Variants in SGCZ observed in about 807,000 individuals in gnomAD.
The protein encoded by SGCZ is sarcoglycan zeta, also known as zeta-sarcoglycan.
SGCZ carries 40 observed loss-of-function variants against 41.3 expected under a neutral mutation model. The ratio of observed to expected loss-of-function variants is 0.97; its 90% CI spans 0.75 to 1.26. The LOEUF is 1.26. Ranked by LOEUF, SGCZ falls within the 50% of genes most tolerant of loss-of-function variation. The pLI is 0.00. For missense variants in SGCZ, 552 were observed against 369.8 expected, an observed-to-expected ratio of 1.49 and a Z score of -4.04; for synonymous variants, 206 against 137.5, an observed-to-expected ratio of 1.50 and a Z score of -3.49.
intron 1 of SGCZ, among the ~76,000 whole-genome samples, chr8:15,219,999 G>C (rs1208903582): frequency 6.6e-6 from 1 of 152,104 alleles, no homozygotes; most frequent in Non-Finnish European, 1.5e-5. Flanking sequence ...CTTAAAAATG[G>C]TACACAAATT....
intron 2 of SGCZ, among the ~76,000 whole-genome samples, chr8:14,448,995 G>T (rs550126184): frequency 6.6e-6 from 1 of 152,156 alleles, no homozygotes; most frequent in Non-Finnish European, 1.5e-5. Context: ...TATTTACTGT[G>T]CAAACACAAG....
chr8:14,812,172 T>G (rs1432987305), intron 1 of SGCZ, among the ~76,000 whole-genome samples: 1 of 152,002 alleles, frequency 6.6e-6, no homozygotes, highest in East Asian at 1.9e-4. Flanking sequence ...AAATGTTACA[T>G]AATGATATTA....
chr8:14,183,494 A>T (rs955487908), intron 4 of SGCZ, among the ~76,000 whole-genome samples: 2 of 152,206 alleles, frequency 1.3e-5, no homozygotes, highest in Non-Finnish European at 2.9e-5. Context: ...TAAAAATCCT[A>T]TGCACAGTAT....
At chr8:14,703,444 C>T (rs1809232892) in intron 1 of SGCZ, among the ~76,000 whole-genome samples, 1 of 151,900 alleles carries the variant, frequency 6.6e-6, no homozygotes, top group East Asian at 1.9e-4. Flanking sequence ...TGAGAGATTT[C>T]CCTATCTAGA....
At chr8:15,026,661 C>T (rs980793674) in intron 1 of SGCZ, among the ~76,000 whole-genome samples, 2 of 152,116 alleles carry the variant, frequency 1.3e-5, no homozygotes, top group African/African-American at 4.8e-5. Context: ...GATTCATTGT[C>T]CAAGCCATTC....
chr8:14,235,912 T>A (rs571335873), intron 4 of SGCZ, among the ~76,000 whole-genome samples: 1 of 152,296 alleles, frequency 6.6e-6, no homozygotes, highest in South Asian at 2.1e-4. Flanking sequence ...CTCGATTTCT[T>A]GACCTCATGA....
intron 2 of SGCZ, among the ~76,000 whole-genome samples, chr8:14,401,059 C>T (rs767443963): frequency 1.3e-5 from 2 of 152,094 alleles, no homozygotes; most frequent in Admixed American, 1.3e-4. Context: ...GTACGCTGAC[C>T]TCCCTGTGTA....
intron 1 of SGCZ, among the ~76,000 whole-genome samples, chr8:14,599,762 T>C (rs1206265526): frequency 2.6e-5 from 4 of 152,178 alleles, no homozygotes; most frequent in African/African-American, 7.2e-5. Context: ...CTGACATTAG[T>C]CCTCATTTCT....
chr8:14,525,351 G>C (rs1585631573), intron 2 of SGCZ, among the ~76,000 whole-genome samples: 1 of 152,054 alleles, frequency 6.6e-6, no homozygotes, highest in Non-Finnish European at 1.5e-5. Context: ...TAAAAATAAT[G>C]TTTTGTTCTG....
At chr8:14,246,583 A>G (rs1185130615) in intron 3 of SGCZ, among the ~76,000 whole-genome samples, 1 of 148,534 alleles carries the variant, frequency 6.7e-6, no homozygotes, top group Non-Finnish European at 1.5e-5. Flanking sequence ...GTACCCTAAA[A>G]CTTAAAGTAT....
At chr8:14,541,484 T>C (rs558840553) in intron 2 of SGCZ, among the ~76,000 whole-genome samples, 1 of 152,272 alleles carries the variant, frequency 6.6e-6, no homozygotes, top group East Asian at 1.9e-4. Flanking sequence ...CATTCTTTTT[T>C]ATGGCTGCAT....
intron 4 of SGCZ, among the ~76,000 whole-genome samples, chr8:14,195,290 G>A (rs1023886619): frequency 6.6e-6 from 1 of 152,084 alleles, no homozygotes; most frequent in Non-Finnish European, 1.5e-5. Context: ...CATTGAGACG[G>A]AGAATACGCT....
At chr8:14,151,967 T>C (rs1803723238) in intron 5 of SGCZ, among the ~76,000 whole-genome samples, 2 of 151,954 alleles carry the variant, frequency 1.3e-5, no homozygotes, top group Non-Finnish European at 2.9e-5. Flanking sequence ...TAATGTAAAA[T>C]ATAAAACTAT....
At chr8:14,139,286 A>G (rs946126231) in intron 5 of SGCZ, among the ~76,000 whole-genome samples, 1 of 152,222 alleles carries the variant, frequency 6.6e-6, no homozygotes, top group Non-Finnish European at 1.5e-5. Context: ...TAAAAGAACT[A>G]GAGAAGCAAG....
chr8:14,236,382 A>T lies in SGCZ; in HGVS notation c.424+1210T>A, dbSNP rs554871487. Among the ~76,000 whole-genome samples, 4 of 152,258 alleles carry T rather than the reference A, an allele frequency of 2.6e-5. No homozygotes were observed. The East Asian group carries it at 7.7e-4, about 29-fold the overall frequency. Reference sequence around the variant, plus strand: ...TAAAGCAAAGCAATTTTTACAAATAAAACTATATTTTTAGAAAATTCATAT... The same window carrying T: ...TAAAGCAAAGCAATTTTTACAAATATAACTATATTTTTAGAAAATTCATAT... On this transcript the variant is annotated intron_variant, in intron 4 of 7. Transcript: ENST00000382080.
intron 1 of SGCZ, among the ~76,000 whole-genome samples, chr8:15,154,902 T>C (rs1402725841): frequency 1.3e-5 from 2 of 152,168 alleles, no homozygotes; most frequent in African/African-American, 4.8e-5. Flanking sequence ...AGCTCTAGTG[T>C]TCTACAGCAG....
intron 5 of SGCZ, among the ~76,000 whole-genome samples, chr8:14,141,775 A>G (rs1803377755): frequency 6.6e-6 from 1 of 152,220 alleles, no homozygotes; most frequent in Admixed American, 6.5e-5. Flanking sequence ...TCAAGGATCT[A>G]GAACTAGAAA....
chr8:14,588,102 A>T (rs1015836108), intron 1 of SGCZ, among the ~76,000 whole-genome samples: 2 of 152,038 alleles, frequency 1.3e-5, no homozygotes, highest in Non-Finnish European at 1.5e-5. Context: ...ATTAATTCAG[A>T]CTGTTTCAGG....
intron 1 of SGCZ, among the ~76,000 whole-genome samples, chr8:14,724,327 G>A (rs1809984238): frequency 1.3e-5 from 2 of 149,618 alleles, no homozygotes; most frequent in Admixed American, 6.6e-5. Context: ...ATATATATGT[G>A]TTCTAATTAT....
Sources: allele counts gnomAD v4.1 joint callset (sites outside exome capture counted in the v4.1 genomes callset), GRCh38; gene constraint gnomAD v4.1.1; transcripts MANE v1.5; gene names NCBI Gene and HGNC (gene_info 2026-07-23, HGNC 2026-07-21).